MRPS35: variants seen among roughly 807,000 people sequenced by gnomAD.
MRPS35 encodes mitochondrial ribosomal protein S35, also known as small ribosomal subunit protein mS35.
In MRPS35, 29 loss-of-function variants were observed where a neutral mutation model predicts 32.7. The ratio of observed to expected loss-of-function variants is 0.89; its 90% CI spans 0.66 to 1.21. The LOEUF (loss-of-function observed/expected upper bound fraction) is 1.21, where lower values mean the gene tolerates loss of function less well. Ranked by LOEUF, MRPS35 falls within the 50% of genes most tolerant of loss-of-function variation. The pLI is 0.00. For synonymous variants in MRPS35, 148 were observed against 139.3 expected, an observed-to-expected ratio of 1.06 and a Z score of -0.44; for missense variants, 373 against 383.8, an observed-to-expected ratio of 0.97 and a Z score of 0.23.
chr12:27,735,412 A>C, intron 5 of MRPS35, 35 bp from the exon 6 acceptor site: 2 of 1,464,786 alleles, frequency 1.4e-6, no homozygotes, highest in Non-Finnish European at 1.9e-6. Flanking sequence ...AATTATATGA[A>C]ATTATTTTTT....
chr12:27,748,437 TG>T (rs1257378438), intron 7 of MRPS35, among the ~76,000 whole-genome samples: 17 of 82,500 alleles, frequency 2.1e-4, no homozygotes, highest in African/African-American at 8.7e-4. Flanking sequence ...AAAAGAAAAG[TG>T]GTGTGTGTGT....
intron 1 of MRPS35, among the ~76,000 whole-genome samples, chr12:27,713,319 T>C (rs2061835685): frequency 6.6e-6 from 1 of 152,162 alleles, no homozygotes; most frequent in African/African-American, 2.4e-5. Flanking sequence ...AGGATAGATG[T>C]AGATGTAGAT....
intron 7 of MRPS35, among the ~76,000 whole-genome samples, chr12:27,744,124 A>T (rs1381683210): frequency 1.3e-5 from 2 of 152,104 alleles, no homozygotes; most frequent in African/African-American, 4.8e-5. Flanking sequence ...GTCTTATTTT[A>T]ATTTCTATGC....
In MRPS35 at chr12:27,719,865, A is replaced by G; in HGVS notation, c.379A>G (p.Lys127Glu). Residue 127 changes from lysine (K) to glutamate (E), a missense_variant, in exon 4 of 8, where the codon AAA (lysine) becomes GAA (glutamate). Transcript: ENST00000081029. ...VAIKKHCEAL[K>E]DFCTEWPAAL... is the part of the protein sequence containing the mutation. ...AATTAAAAAGCACTGTGAAGCCCTT[A>G]AAGGTAAGTGGTTATTTTCTTATAT... The G allele has an allele frequency of 6.2e-7, 1 of 1,602,576 alleles. No homozygotes were observed. Among genetic ancestry groups the G allele is most frequent in the Non-Finnish European group, 8.5e-7 (1 of 1,171,150 alleles).
rs532298613 is a variant in MRPS35, at chr12:27,736,102, T to C, written c.632+546T>C. 2.6e-5 allele frequency among the ~76,000 whole-genome samples: 4 copies of C among 152,380 alleles called. No homozygotes were observed. The South Asian group carries it at 6.2e-4, about 24-fold the overall frequency. On this transcript the variant is annotated intron_variant, in intron 6 of 7. Coordinates refer to ENST00000081029, the MANE Select transcript of MRPS35 (RefSeq NM_021821.4). ...TATTGGTATGTTTTCACTAAATGGC[T>C]ATTTTATTTTTAGAATTATACTTTA...
At chr12:27,726,452 C>A (rs189046087) in intron 5 of MRPS35, among the ~76,000 whole-genome samples, 184 of 152,146 alleles carry the variant, frequency 1.2e-3, no homozygotes, top group Non-Finnish European at 2.2e-3. Context: ...GTTGAACATT[C>A]ACATACAGGT....
At chr12:27,714,651 AG>A in intron 1 of MRPS35, 128 bp from the exon 2 acceptor site, 26 of 670,440 alleles carry the variant, frequency 3.9e-5, no homozygotes, top group South Asian at 1.2e-4. Flanking sequence ...AAAAAAAAAA[AG>A]ATTGTTTCAT....
At chr12:27,728,727 G>T (rs1425904049) in intron 5 of MRPS35, among the ~76,000 whole-genome samples, 1 of 152,024 alleles carries the variant, frequency 6.6e-6, no homozygotes, top group East Asian at 1.9e-4. Flanking sequence ...TCTTCCTGAT[G>T]AATTTGACTT....
rs1163613452 is a variant in MRPS35 at position 27,744,073 on chromosome 12, CTT to C, written c.702+6467_702+6468del. Among the ~76,000 whole-genome samples the C allele has an allele frequency of 2.0e-5, 3 of 152,190 alleles. No individual in the cohort carries two copies. In the East Asian group the frequency reaches 5.8e-4, roughly 29 times the overall value. ...TTCGACCTGCTTTGAGGCTGTTACT[CTT>C]TGTCTGACTTCTGCTTTGTATAGAT... On this transcript the variant is annotated intron_variant, in intron 7 of 7. Transcript: ENST00000081029.
intron 4 of MRPS35, among the ~76,000 whole-genome samples, chr12:27,723,050 A>G (rs1225538257): frequency 6.6e-6 from 1 of 152,180 alleles, no homozygotes; most frequent in Non-Finnish European, 1.5e-5. Context: ...GGAAGCATGG[A>G]TCTGTGCAGT....
intron 5 of MRPS35, among the ~76,000 whole-genome samples, chr12:27,733,080 G>T (rs1340475763): frequency 7.2e-6 from 1 of 138,582 alleles, no homozygotes; most frequent in East Asian, 2.1e-4. Context: ...GTGTTATTTT[G>T]GGGATAATGT....
chr12:27,754,770 A>AAG (rs893327244), intron 7 of MRPS35, among the ~76,000 whole-genome samples: 4 of 150,768 alleles, frequency 2.7e-5, no homozygotes, highest in African/African-American at 7.3e-5. Context: ...CATCTCAAAA[A>AAG]AAAAAAAAAA....
At chr12:27,711,588 CCTACCTGTGCTACTTCCTGTTATATCTCT>C (rs2061824268) in intron 1 of MRPS35, among the ~76,000 whole-genome samples, 2 of 152,138 alleles carry the variant, frequency 1.3e-5, no homozygotes, top group East Asian at 3.9e-4. Flanking sequence ...ATAGGCGGAT[CCTACCTGTGCTACTTCCTGTTATATCTCT>C]AATTTACTCT....
intron 5 of MRPS35, among the ~76,000 whole-genome samples, chr12:27,726,009 C>CTGAT (rs1565466498): frequency 6.7e-6 from 1 of 150,134 alleles, no homozygotes; most frequent in African/African-American, 2.5e-5. Context: ...AGGGTTTTGC[C>CTGAT]ATGATGCCCA....
At chr12:27,743,560 T>C (rs946907265) in intron 7 of MRPS35, among the ~76,000 whole-genome samples, 1 of 152,110 alleles carries the variant, frequency 6.6e-6, no homozygotes, top group Admixed American at 6.6e-5. Flanking sequence ...ATGGCAAATG[T>C]TTATTAATTG....
At chr12:27,720,504 A>G (rs569796654) in intron 4 of MRPS35, among the ~76,000 whole-genome samples, 38 of 152,188 alleles carry the variant, frequency 2.5e-4, no homozygotes, top group African/African-American at 8.9e-4. Context: ...AAAATTTTAA[A>G]AAATTAGTGA....
intron 1 of MRPS35, among the ~76,000 whole-genome samples, chr12:27,714,511 C>T (rs557372922): frequency 2.0e-4 from 30 of 149,068 alleles, no homozygotes; most frequent in African/African-American, 5.4e-4. Flanking sequence ...ACTTGAACTC[C>T]GGAGGTAGAG....
intron 7 of MRPS35, among the ~76,000 whole-genome samples, chr12:27,740,304 G>A (rs932854171): frequency 1.4e-5 from 2 of 140,588 alleles, no homozygotes; most frequent in African/African-American, 5.3e-5. Flanking sequence ...GTCTTGCTTT[G>A]TTGTCCAGGC....
At chr12:27,740,011 C>G (rs557176264) in intron 7 of MRPS35, among the ~76,000 whole-genome samples, 11 of 152,288 alleles carry the variant, frequency 7.2e-5, no homozygotes, top group African/African-American at 2.6e-4. Flanking sequence ...ACCGTTGTTT[C>G]TTGGTGCTTT....
Sources: gnomAD v4.1 joint callset for allele counts (sites outside exome capture counted in the v4.1 genomes callset) on GRCh38, gnomAD v4.1.1 for gene constraint, MANE v1.5 for transcripts, NCBI Gene and HGNC (gene_info 2026-07-23, HGNC 2026-07-21) for gene names.